Variants in PPRC1 observed in about 807,000 individuals in gnomAD.
The protein encoded by PPRC1 is peroxisome proliferator-activated receptor gamma coactivator-related protein 1.
In PPRC1, 23 loss-of-function variants were observed where a neutral mutation model predicts 132.5. The ratio of observed to expected loss-of-function variants is 0.17; its 90% CI spans 0.12 to 0.25. The LOEUF is 0.25. Ranked by LOEUF, PPRC1 falls within the 10% of genes least tolerant of loss-of-function variation. The probability of loss-of-function intolerance (pLI) is 1.00; values close to 1 mark genes in which losing one functional copy is unlikely to be tolerated. For synonymous variants in PPRC1, 872 were observed against 833.5 expected, an observed-to-expected ratio of 1.05 and a Z score of -0.80; for missense variants, 2,006 against 2,089.1, an observed-to-expected ratio of 0.96 and a Z score of 0.78.
At chr10:102,130,212 C>T (rs1256340023), upstream of PPRC1, among the ~76,000 whole-genome samples, 3 of 150,172 alleles carry the variant, frequency 2.0e-5, no homozygotes, top group Non-Finnish European at 3.0e-5. Flanking sequence ...ATCAGGAAAT[C>T]GAGACCATCC....
At chr10:102,131,954 C>G (rs79426215), upstream of PPRC1, among the ~76,000 whole-genome samples, 27 of 152,244 alleles carry the variant, frequency 1.8e-4, no homozygotes, top group African/African-American at 6.5e-4. Context: ...CACCGAGCCA[C>G]GGCCAGAAAC....
At chr10:102,120,164 C>G in the PPRC1 span, 15 of 1,232,310 alleles carry the variant, frequency 1.2e-5, no homozygotes, top group Non-Finnish European at 1.5e-5. Flanking sequence ...CCGCCCCTCG[C>G]GGGGACAGGC....
In PPRC1 at chr10:102,139,980, C is replaced by T; in HGVS notation, c.1472C>T (p.Thr491Ile). 6.2e-7 allele frequency: 1 copy of T among 1,614,210 alleles called. No individual in the cohort carries two copies. Among genetic ancestry groups the T allele is most frequent in the African/African-American group, 1.3e-5 (1 of 75,062 alleles). Reference sequence around the variant, plus strand: ...TCTCGCGGGCAGTCTACTGTAGGTACAGAAGTGACCTCTCAGGTAGACAAC... The same window carrying T: ...TCTCGCGGGCAGTCTACTGTAGGTATAGAAGTGACCTCTCAGGTAGACAAC... ...SSSRGQSTVG[T>I]EVTSQVDNLQ... The change falls in exon 5 of 14, where the codon ACA (threonine) becomes ATA (isoleucine). Residue 491 changes from threonine (T) to isoleucine (I), a missense_variant. Thr to Ile is a moderately conservative substitution (Grantham distance 89). Around this residue, in one of 2 missense-constraint regions of PPRC1, gnomAD observed 1,914 missense variants for 1,917.2 expected, o/e 1.00. Transcript: ENST00000278070.
chr10:102,125,006 C>T, the PPRC1 span, among the ~76,000 whole-genome samples: 1 of 152,162 alleles, frequency 6.6e-6, no homozygotes, highest in African/African-American at 2.4e-5. Context: ...TGGACTCGGA[C>T]TCCTGGGCTC....
rs997622649 is a variant in PPRC1, at chr10:102,149,872, C to T, written c.4892-54C>T. ...GGGAGATAGCTAGCCATTTGCAGAC[C>T]CTGTGGTTGGGAAGTGTGGTCAGAG... On this transcript the variant is annotated intron_variant, in intron 13 of 13. Transcript: ENST00000278070. 4.4e-6 allele frequency: 6 copies of T among 1,369,434 alleles called. No homozygotes were observed. The Admixed American group carries it at 5.0e-5, about 12-fold the overall frequency. 84.8% of individuals were successfully genotyped at this position (1,369,434 alleles called of 1,614,324 possible). A position where few individuals can be genotyped will look rare whatever the true frequency, so the allele number is the denominator to read the frequency against.
chr10:102,145,231 A>C (rs2069170948), intron 8 of PPRC1, 141 bp downstream of exon 8: 1 of 789,922 alleles, frequency 1.3e-6, no homozygotes. Flanking sequence ...TCTAGGGGGC[A>C]GACTTGTAAA....
the PPRC1 span, chr10:102,120,372 CGT>C: frequency 6.1e-6 from 6 of 983,982 alleles, no homozygotes; most frequent in Non-Finnish European, 7.2e-6. Flanking sequence ...AGTGTGTGTC[CGT>C]GTGTGCGTGT....
rs779349363 is a variant in PPRC1 at position 102,141,066 on chromosome 10, C to A, written c.2558C>A (p.Pro853Gln). 9 of 1,614,154 alleles carry A rather than the reference C, an allele frequency of 5.6e-6. No individual in the cohort carries two copies. Among genetic ancestry groups the A allele is most frequent in the Non-Finnish European group, 7.6e-6 (9 of 1,180,014 alleles). ...GAGCAGGTGCCATCCCAGGAGATGC[C>A]ACTGTTGGCGAGACCTTCCCCTCCT... ...PTEQVPSQEM[P>Q]LLARPSPPVQ... The change falls in exon 5 of 14, where the codon CCA becomes CAA. Residue 853 changes from proline (P) to glutamine (Q), a missense_variant. By Grantham distance (76) the Pro-to-Gln change is moderately conservative. Around this residue, in one of 2 missense-constraint regions of PPRC1, gnomAD observed 1,914 missense variants for 1,917.2 expected, o/e 1.00. Transcript: ENST00000278070.
the PPRC1 span, among the ~76,000 whole-genome samples, chr10:102,127,020 CATATATATATATATATAT>C: frequency 3.8e-4 from 33 of 87,956 alleles, 1 homozygote; most frequent in African/African-American, 8.5e-4. Context: ...GGTTTTTTAT[CATATATATATATATATAT>C]ATATATATAT....
chr10:102,120,157 C>T, the PPRC1 span: 1 of 1,255,944 alleles, frequency 8.0e-7, no homozygotes, highest in Non-Finnish European at 1.0e-6. Context: ...ACGGTGCCCG[C>T]CCCTCGCGGG....
Position 102,147,044 on chromosome 10 carries a change from G to A in PPRC1, c.4052G>A (p.Arg1351Gln), listed in dbSNP as rs750881604. Residue 1351 changes from arginine to glutamine, a missense_variant, in exon 9 of 14, where the codon CGG (arginine) becomes CAG (glutamine). By Grantham distance (43) the Arg-to-Gln change is conservative. Coordinates refer to ENST00000278070, the MANE Select transcript of PPRC1 (RefSeq NM_015062.5). The stretch of plus-strand genomic sequence containing the variant: ...CCGCCCCCATGCATAGCTGCCTCCC[G>A]GGAGCCGCTTGATCACAGGACTAGC... ...APPPPCIAAS[R>Q]EPLDHRTSSE... is the part of the protein sequence containing the mutation. 6.8e-6 allele frequency: 11 copies of A among 1,613,946 alleles called. No individual in the cohort carries two copies. Among genetic ancestry groups the A allele is most frequent in the African/African-American group, 4.0e-5 (3 of 74,906 alleles).
At chr10:102,135,602 C>T (rs112590397) in intron 1 of PPRC1, among the ~76,000 whole-genome samples, 250 of 152,294 alleles carry the variant, frequency 1.6e-3, no homozygotes, top group Non-Finnish European at 2.6e-3. Flanking sequence ...TGGTCTTGAA[C>T]TCCTGACCTC....
chr10:102,142,055 C>CT (rs750070006), intron 5 of PPRC1, 51 bp downstream of exon 5: 12 of 1,539,004 alleles, frequency 7.8e-6, no homozygotes, highest in Admixed American at 2.0e-5. Flanking sequence ...CTGGGGGACT[C>CT]TAGAATAGGA....
At position 102,140,996 on chromosome 10, in the gene PPRC1, A is replaced by C; in HGVS notation, c.2488A>C (p.Ser830Arg). The change falls in exon 5 of 14, where the codon AGT becomes CGT. Residue 830 changes from serine to arginine, a missense_variant. This residue lies in a region of PPRC1 where 1,914 missense variants were observed against 1,917.2 expected (regional missense o/e 1.00). Transcript: ENST00000278070. ...TGTAGGTCCCAGCCCTGCTTCTCCT[A>C]GTCCTGAGCCACCTGTAAGCAAACC... ...VPVGPSPASP[S>R]PEPPVSKPVA... 6.2e-7 allele frequency: 1 copy of C among 1,614,070 alleles called. No homozygotes were observed. Among genetic ancestry groups the C allele is most frequent in the Non-Finnish European group, 8.5e-7 (1 of 1,180,020 alleles).
chr10:102,140,383 C>T lies in PPRC1; in HGVS notation c.1875C>T (p.Leu625=), dbSNP rs752249199. 1.2e-6 allele frequency: 2 copies of T among 1,614,190 alleles called. No individual in the cohort carries two copies. Among genetic ancestry groups the T allele is most frequent in the Admixed American group, 3.3e-5 (2 of 60,024 alleles). ...ASTSSELVEP[L]PAEPVLINPV... ...CCAGCTCAGAACTGGTTGAGCCTCT[C>T]CCGGCTGAGCCAGTGCTGATCAACC... The change falls in exon 5 of 14, where the codon CTC becomes CTT. Residue 625 remains leucine, a synonymous_variant. Transcript: ENST00000278070.
chr10:102,120,442 T>A, the PPRC1 span: 2 of 964,906 alleles, frequency 2.1e-6, no homozygotes, highest in South Asian at 9.6e-5. Flanking sequence ...AGCGCCCCCC[T>A]CTCCGCCCTC....
chr10:102,139,121 C>T lies in PPRC1; in HGVS notation c.613C>T (p.Pro205Ser), dbSNP rs756674657. 4 of 1,608,498 alleles carry T rather than the reference C, an allele frequency of 2.5e-6. No individual in the cohort carries two copies. Among genetic ancestry groups the T allele is most frequent in the Non-Finnish European group, 2.5e-6 (3 of 1,176,926 alleles). The change falls in exon 5 of 14, where the codon CCC becomes TCC. Residue 205 changes from proline (P) to serine (S), a missense_variant. This residue lies in a region of PPRC1 where 1,914 missense variants were observed against 1,917.2 expected (regional missense o/e 1.00). Transcript: ENST00000278070. ...GSGVEMSLPDPSWDFSPPSFL... is the reference protein window; with the variant it reads ...GSGVEMSLPDSSWDFSPPSFL... Reference sequence around the variant, plus strand: ...GCAGGTTGAAATGTCTCTTCCAGATCCCTCTTGGGACTTCTCCCCACCCTC... The same window carrying T: ...GCAGGTTGAAATGTCTCTTCCAGATTCCTCTTGGGACTTCTCCCCACCCTC...
At chr10:102,121,049 C>A in the PPRC1 span, among the ~76,000 whole-genome samples, 16 of 152,160 alleles carry the variant, frequency 1.1e-4, no homozygotes, top group Non-Finnish European at 2.1e-4. Context: ...TCCTCCTTTG[C>A]CTGCGAAACC....
chr10:102,139,861 A>G lies in PPRC1; in HGVS notation c.1353A>G (p.Pro451=). The change falls in exon 5 of 14, where the codon CCA becomes CCG. Residue 451 remains proline (P), a synonymous_variant. Coordinates refer to ENST00000278070, the MANE Select transcript of PPRC1 (RefSeq NM_015062.5). Reference sequence around the variant, plus strand: ...AGAACCCACCTGCCAATGCAGCACCAGGTTCCCAGAGAGCTCGAAAGGGCA... The same window carrying G: ...AGAACCCACCTGCCAATGCAGCACCGGGTTCCCAGAGAGCTCGAAAGGGCA... ...EPQNPPANAA[P]GSQRARKGRK... is the part of the protein sequence containing the mutation. 1.2e-6 allele frequency: 2 copies of G among 1,614,188 alleles called. No homozygotes were observed. Among genetic ancestry groups the G allele is most frequent in the South Asian group, 1.1e-5 (1 of 91,086 alleles).
Sources: allele counts gnomAD v4.1 joint callset (sites outside exome capture counted in the v4.1 genomes callset), GRCh38; gene constraint gnomAD v4.1.1; regional missense constraint gnomAD v4.1.1; transcripts MANE v1.5; gene names NCBI Gene and HGNC (gene_info 2026-07-23, HGNC 2026-07-21).